Variants in FBXO4 observed in about 807,000 individuals in gnomAD.
The protein encoded by FBXO4 is F-box protein 4, also known as F-box only protein 4.
Under a neutral mutation model 43.7 loss-of-function variants are expected in FBXO4, and 36 were observed. The ratio of observed to expected loss-of-function variants is 0.82; its 90% confidence interval spans 0.63 to 1.09. The LOEUF (loss-of-function observed/expected upper bound fraction) is 1.09. Among genes scored for constraint, FBXO4 ranks in the 50% least tolerant of loss-of-function variants. The probability of loss-of-function intolerance (pLI) is 0.00; values close to 1 mark genes in which losing one functional copy is unlikely to be tolerated. For missense variants in FBXO4, 435 were observed against 474.1 expected (o/e 0.92, Z 0.77); for synonymous variants, 180 against 165.6 (o/e 1.09, Z -0.67).
the FBXO4 span, chr5:41,952,309 A>G: frequency 6.6e-6 from 1 of 152,216 alleles, no homozygotes; most frequent in African/African-American, 2.4e-5. Context: ...TTTAATAAAG[A>G]TAGGAGAATT....
At chr5:42,012,323 CAT>C in the FBXO4 span, among the ~76,000 whole-genome samples, 10 of 151,818 alleles carry the variant, frequency 6.6e-5, no homozygotes, top group African/African-American at 9.7e-5. Context: ...TAGATGTGAG[CAT>C]GTGTGTGTGT....
At chr5:41,985,542 T>G in the FBXO4 span, among the ~76,000 whole-genome samples, 1 of 152,118 alleles carries the variant, frequency 6.6e-6, no homozygotes, top group Non-Finnish European at 1.5e-5. Context: ...AAAAGAAAAT[T>G]TTCAGGTTTG....
the FBXO4 span, among the ~76,000 whole-genome samples, chr5:41,962,608 C>T: frequency 3.3e-5 from 5 of 152,200 alleles, no homozygotes; most frequent in Non-Finnish European, 5.9e-5. Flanking sequence ...AGGTCCTGCA[C>T]ACTGTGTGTC....
Position 41,925,468 on chromosome 5 carries a change from T to G in FBXO4, c.159T>G (p.Asp53Glu). The change falls in exon 1 of 7, where the codon GAT becomes GAG. Residue 53 changes from aspartate (D) to glutamate (E), a missense_variant. Coordinates refer to ENST00000281623, the MANE Select transcript of FBXO4 (RefSeq NM_012176.3). ...VARTTSREEV[D>E]EAASTLTRLP... ...GTACGACCTCACGGGAGGAGGTGGA[T>G]GAGGCGGCCAGCACCCTGACGCGGC... The G allele has an allele frequency of 7.5e-7, 1 of 1,336,432 alleles. No individual in the cohort carries two copies. The highest frequency in any genetic ancestry group is 9.6e-7 in the Non-Finnish European group (1 of 1,036,662). 82.8% of individuals were successfully genotyped at this position (1,336,432 alleles called of 1,614,324 possible).
At chr5:42,035,766 T>A in the FBXO4 span, among the ~76,000 whole-genome samples, 2 of 152,124 alleles carry the variant, frequency 1.3e-5, no homozygotes, top group East Asian at 3.8e-4. Context: ...TGTACTTTGG[T>A]ATGCAGTGAA....
At chr5:41,955,220 C>A in the FBXO4 span, among the ~76,000 whole-genome samples, 9 of 152,144 alleles carry the variant, frequency 5.9e-5, no homozygotes, top group African/African-American at 1.9e-4. Flanking sequence ...ATATTATATT[C>A]TAAATTCAAT....
At chr5:42,039,872 C>G in the FBXO4 span, among the ~76,000 whole-genome samples, 1 of 152,214 alleles carries the variant, frequency 6.6e-6, no homozygotes, top group South Asian at 2.1e-4. Flanking sequence ...TTCCGGAGTT[C>G]AGAGACTGTA....
At chr5:42,026,112 C>T in the FBXO4 span, among the ~76,000 whole-genome samples, 127 of 151,756 alleles carry the variant, frequency 8.4e-4, no homozygotes, top group Non-Finnish European at 1.7e-3. Flanking sequence ...TGCATTGATT[C>T]TGTAGATTGC....
the FBXO4 span, among the ~76,000 whole-genome samples, chr5:42,026,707 T>C: frequency 6.6e-6 from 1 of 151,892 alleles, no homozygotes; most frequent in South Asian, 2.1e-4. Context: ...TTGTCACATA[T>C]GGCTTCAATA....
intron 5 of FBXO4, among the ~76,000 whole-genome samples, chr5:41,938,570 G>T (rs572791323): frequency 2.0e-5 from 3 of 152,244 alleles, no homozygotes; most frequent in African/African-American, 7.2e-5. Context: ...AAATTTAATA[G>T]TTTAAAACAA....
the FBXO4 span, among the ~76,000 whole-genome samples, chr5:42,024,029 C>A: frequency 6.6e-6 from 1 of 151,968 alleles, no homozygotes; most frequent in South Asian, 2.1e-4. Flanking sequence ...CCTTACTGGT[C>A]CCTTACATTT....
rs779194197 is a variant in FBXO4 at position 41,927,129 on chromosome 5, T to C, written c.306T>C (p.Phe102=). 7.4e-6 allele frequency: 12 copies of C among 1,613,774 alleles called. No homozygotes were observed. In the Admixed American group the frequency reaches 2.0e-4, roughly 27 times the overall value. The change falls in exon 2 of 7, where the codon TTT becomes TTC. Residue 102 remains phenylalanine (F), a synonymous_variant. Coordinates refer to ENST00000281623, the MANE Select transcript of FBXO4 (RefSeq NM_012176.3). ...TVRDPILWRY[F]LLRDLPSWSS... is the part of the protein sequence containing the mutation. ...GAGATCCAATTCTGTGGAGATACTT[T>C]TTGTTGAGGGATCTTCCTTCTTGGT...
At chr5:41,972,163 A>G in the FBXO4 span, among the ~76,000 whole-genome samples, 2 of 152,116 alleles carry the variant, frequency 1.3e-5, no homozygotes, top group Non-Finnish European at 2.9e-5. Flanking sequence ...CCCTTTACAG[A>G]AGATATATAA....
chr5:41,968,777 C>A, the FBXO4 span, among the ~76,000 whole-genome samples: 1 of 151,658 alleles, frequency 6.6e-6, no homozygotes, highest in Non-Finnish European at 1.5e-5. Flanking sequence ...AAAGTTATTA[C>A]CCTCTATGTA....
the FBXO4 span, among the ~76,000 whole-genome samples, chr5:41,977,958 C>T: frequency 5.1e-4 from 78 of 152,244 alleles, 2 homozygotes; most frequent in East Asian, 0.015. Flanking sequence ...TCTTGTGTCT[C>T]TATAAGGGAA....
the FBXO4 span, among the ~76,000 whole-genome samples, chr5:42,024,484 C>A: frequency 0.022 from 3,364 of 152,030 alleles, 130 homozygotes; most frequent in African/African-American, 0.077. Flanking sequence ...TTGATACAGG[C>A]ATGCAATGTA....
downstream of FBXO4, among the ~76,000 whole-genome samples, chr5:41,943,508 C>T (rs1404933843): frequency 2.0e-5 from 3 of 152,072 alleles, no homozygotes; most frequent in African/African-American, 4.8e-5. Flanking sequence ...TGCATAAGTA[C>T]TTCTCTGTGG....
At chr5:41,983,888 C>A in the FBXO4 span, among the ~76,000 whole-genome samples, 1 of 151,824 alleles carries the variant, frequency 6.6e-6, no homozygotes, top group Non-Finnish European at 1.5e-5. Flanking sequence ...AATTGTCAGA[C>A]TCAATACTTA....
the FBXO4 span, among the ~76,000 whole-genome samples, chr5:42,017,430 C>G: frequency 6.6e-6 from 1 of 150,718 alleles, no homozygotes; most frequent in South Asian, 2.1e-4. Flanking sequence ...CAAAAAATTT[C>G]TTTTTTTTTC....
Sources: gnomAD v4.1 joint callset for allele counts (sites outside exome capture counted in the v4.1 genomes callset) on GRCh38, gnomAD v4.1.1 for gene constraint, MANE v1.5 for transcripts, NCBI Gene and HGNC (gene_info 2026-07-23, HGNC 2026-07-21) for gene names.